Variants in HTT observed in about 807,000 individuals in gnomAD.
HTT encodes the protein huntington disease protein.
HTT carries 104 observed loss-of-function variants against 362.3 expected under a neutral mutation model. The ratio of observed to expected loss-of-function variants is 0.29; its 90% CI spans 0.24 to 0.34. The LOEUF (loss-of-function observed/expected upper bound fraction) is 0.34, where lower values mean the gene tolerates loss of function less well. Among genes scored for constraint, HTT ranks in the 10% least tolerant of loss-of-function variants. HTT has a pLI of 1.00. For synonymous variants in HTT, 1,577 were observed against 1,548.7 expected (o/e 1.02, Z -0.43); for missense variants, 3,301 against 3,928.6 (o/e 0.84, Z 4.27).
chr4:3,186,961 C>T (rs1718792650), intron 38 of HTT, among the ~76,000 whole-genome samples: 1 of 151,048 alleles, frequency 6.6e-6, no homozygotes, highest in Non-Finnish European at 1.5e-5. Flanking sequence ...CAGCTTCACA[C>T]CATTCTCCTG....
chr4:3,148,319 CA>C (rs1716707830), intron 26 of HTT, 112 bp downstream of exon 26: 2 of 784,456 alleles, frequency 2.5e-6, no homozygotes, highest in Non-Finnish European at 4.0e-6. Context: ...TTTAAATGAA[CA>C]AAATTGCTCA....
intron 38 of HTT, 131 bp downstream of exon 38, chr4:3,186,850 T>TC (rs1718785825): frequency 1.1e-6 from 1 of 887,430 alleles, no homozygotes; most frequent in South Asian, 1.8e-5. Context: ...TTTTTTTTTT[T>TC]TTTTTTTTTT....
intron 27 of HTT, among the ~76,000 whole-genome samples, chr4:3,154,921 CT>C (rs918161587): frequency 6.6e-6 from 1 of 151,952 alleles, no homozygotes; most frequent in Non-Finnish European, 1.5e-5. Flanking sequence ...TTTGGAGGAC[CT>C]TTTTTTACCC....
rs1712404512 is a variant in HTT, at chr4:3,074,926, AGCAGC to A, written c.102_106del (p.Gln35AlafsTer46). 2 of 1,467,222 alleles carry A rather than the reference AGCAGC, an allele frequency of 1.4e-6. No homozygotes were observed. The highest frequency in any genetic ancestry group is 9.0e-7 in the Non-Finnish European group (1 of 1,108,142). The allele number at this position is 1,467,222 out of a possible 1,614,324, so 90.9% of individuals were successfully genotyped here. On this transcript the variant is annotated frameshift_variant, in exon 1 of 67. Transcript: ENST00000355072. LOFTEE classifies it high-confidence loss of function. ...CAGCAGCAGCAGCAGCAGCAGCAGC[AGCAGC>A]AGCAACAGCCGCCACCGCCGCCGCC...
chr4:3,149,012 C>T (rs1215903209), intron 26 of HTT, among the ~76,000 whole-genome samples: 2 of 152,222 alleles, frequency 1.3e-5, no homozygotes, highest in Non-Finnish European at 2.9e-5. Flanking sequence ...TCATCAGTCA[C>T]TGTTATCCCT....
chr4:3,228,798 C>A lies in HTT; in HGVS notation c.7979+53C>A. ...CAGAAATTTGAAATTTCTTATCAGT[C>A]ATTTGATTTGTTTGAGGTGCTTCTT... is the stretch of plus-strand genomic sequence containing the variant. On this transcript the variant is annotated intron_variant, in intron 58 of 66. Coordinates refer to ENST00000355072, the MANE Select transcript of HTT (RefSeq NM_001388492.1). This position sits in a 1 kb window ranked among gnomAD's most constrained non-coding sequence, Gnocchi z 4.3. The A allele has an allele frequency of 6.4e-7, 1 of 1,570,150 alleles. No homozygotes were observed. The highest frequency in any genetic ancestry group is 1.2e-5 in the South Asian group (1 of 86,230).
At chr4:3,204,301 C>A (rs909560157) in intron 42 of HTT, among the ~76,000 whole-genome samples, 153 bp downstream of exon 42, 2 of 152,178 alleles carry the variant, frequency 1.3e-5, no homozygotes, top group African/African-American at 4.8e-5. Flanking sequence ...ATGTTTACTT[C>A]TGCTGTGACA....
chr4:3,236,489 C>G (rs1721540067), intron 64 of HTT, among the ~76,000 whole-genome samples: 1 of 152,192 alleles, frequency 6.6e-6, no homozygotes, highest in Non-Finnish European at 1.5e-5. Flanking sequence ...GTCCCAGTGC[C>G]TGCCCATCTC....
intron 1 of HTT, 144 bp from the exon 2 acceptor site, chr4:3,086,795 G>A (rs1374531773): frequency 1.9e-6 from 1 of 540,322 alleles, no homozygotes; most frequent in Non-Finnish European, 3.4e-6. Flanking sequence ...TCCCTGTCCA[G>A]ATCCCCATTC....
At chr4:3,159,025 C>T (rs1717311522) in intron 28 of HTT, among the ~76,000 whole-genome samples, 1 of 152,218 alleles carries the variant, frequency 6.6e-6, no homozygotes, top group Non-Finnish European at 1.5e-5. Flanking sequence ...TCAGCTCCTG[C>T]TGCGCAGCTT....
At position 3,238,922 on chromosome 4, in the gene HTT, G is replaced by A. The variant is rs774849534; in HGVS notation, c.9159G>A (p.Thr3053=). ...FTQRAPVAMA[T]WSLSCFFVSA... ...AGAGGGCCCCGGTCGCCATGGCCAC[G>A]TGGAGCCTCTCCTGCTTCTTTGTCA... Residue 3053 remains threonine, a synonymous_variant, in exon 66 of 67, where the codon ACG becomes ACA. Coordinates refer to ENST00000355072, the MANE Select transcript of HTT (RefSeq NM_001388492.1). 5.0e-6 allele frequency: 8 copies of A among 1,610,812 alleles called. No individual in the cohort carries two copies. The East Asian group carries it at 6.7e-5, about 13-fold the overall frequency.
chr4:3,159,130 C>T (rs774214173), intron 28 of HTT, among the ~76,000 whole-genome samples: 6 of 152,140 alleles, frequency 3.9e-5, no homozygotes, highest in Non-Finnish European at 7.4e-5. Context: ...AGTTGCTCAG[C>T]GTCTCCACTC....
Position 3,236,249 on chromosome 4 carries a change from T to C in HTT, c.8886T>C (p.Phe2962=), listed in dbSNP as rs746208638. The change falls in exon 64 of 67, where the codon TTT becomes TTC. Residue 2962 remains phenylalanine (F), a synonymous_variant. Transcript: ENST00000355072. ...CTATGGAGCGGGTATCTGTTCTTTT[T>C]GATAGGTAAGAAGCGAAGCCCCATC... ...IVAMERVSVL[F]DRIRKGFPCE... The C allele has an allele frequency of 6.2e-7, 1 of 1,609,140 alleles. No homozygotes were observed. The highest frequency in any genetic ancestry group is 2.2e-5 in the East Asian group (1 of 44,866).
At chr4:3,213,900 G>A (rs952927926) in intron 49 of HTT, 58 bp from the exon 50 acceptor site, 22 of 1,417,948 alleles carry the variant, frequency 1.6e-5, no homozygotes, top group Non-Finnish European at 1.6e-5. Flanking sequence ...TGATTCACAC[G>A]GCTTCCCCAA....
At chr4:3,075,560 C>A (rs919591551) in intron 1 of HTT, among the ~76,000 whole-genome samples, 1 of 145,282 alleles carries the variant, frequency 6.9e-6, no homozygotes, top group Non-Finnish European at 1.5e-5. Flanking sequence ...CGGGACACTT[C>A]GAGAGGAGGC....
At position 3,103,959 on chromosome 4, in the gene HTT, G is replaced by A. The variant is rs867518181; in HGVS notation, c.528+76G>A. On this transcript the variant is annotated intron_variant, in intron 4 of 66. Coordinates refer to ENST00000355072, the MANE Select transcript of HTT (RefSeq NM_001388492.1). Reference sequence around the variant, plus strand: ...AGGTACACGTATTTTGTAGGTACATGTAAATGTATATATTTATGGGGTACA... The same window carrying A: ...AGGTACACGTATTTTGTAGGTACATATAAATGTATATATTTATGGGGTACA... 9.5e-5 allele frequency: 78 copies of A among 820,828 alleles called. No individual in the cohort carries two copies. In the African/African-American group the frequency reaches 1.1e-3, roughly 11 times the overall value. 50.8% of individuals were successfully genotyped at this position (820,828 alleles called of 1,614,324 possible). A position where few individuals can be genotyped will look rare whatever the true frequency, so the allele number is the denominator to read the frequency against.
intron 2 of HTT, among the ~76,000 whole-genome samples, chr4:3,095,211 C>T (rs867603817): frequency 3.9e-5 from 6 of 152,232 alleles, no homozygotes; most frequent in South Asian, 2.1e-4. Flanking sequence ...CCCGAGATCA[C>T]GCCACTGCAC....
intron 12 of HTT, 64 bp from the exon 13 acceptor site, chr4:3,129,860 T>C: frequency 6.2e-7 from 1 of 1,604,550 alleles, no homozygotes; most frequent in Non-Finnish European, 8.5e-7. Flanking sequence ...CACTTCCATG[T>C]TGGAGGGCTT....
chr4:3,114,233 G>A (rs546960818), intron 6 of HTT, among the ~76,000 whole-genome samples: 4 of 152,336 alleles, frequency 2.6e-5, no homozygotes, highest in South Asian at 4.1e-4. Context: ...GCCTTTAAGC[G>A]GTTTTCCACC....
Sources: allele counts gnomAD v4.1 joint callset (sites outside exome capture counted in the v4.1 genomes callset), GRCh38; gene constraint gnomAD v4.1.1; non-coding constraint Gnocchi (gnomAD v3.1); transcripts MANE v1.5; gene names NCBI Gene and HGNC (gene_info 2026-07-23, HGNC 2026-07-21).